Variants in GANAB observed in about 807,000 individuals in gnomAD.
GANAB encodes glucosidase II alpha subunit, also known as neutral alpha-glucosidase AB.
In GANAB, 35 loss-of-function variants were observed where a neutral mutation model predicts 129.9. The ratio of observed to expected loss-of-function variants is 0.27; its 90% CI spans 0.21 to 0.36. The LOEUF is 0.36. Ranked by LOEUF, GANAB falls within the 10% of genes least tolerant of loss-of-function variation. The pLI is 1.00. For missense variants in GANAB, 939 were observed against 1,221.0 expected, an observed-to-expected ratio of 0.77 and a Z score of 3.44; for synonymous variants, 482 against 451.8, an observed-to-expected ratio of 1.07 and a Z score of -0.85.
intron 4 of GANAB, among the ~76,000 whole-genome samples, chr11:62,637,368 T>C (rs1231629143): frequency 6.6e-6 from 1 of 151,380 alleles, no homozygotes; most frequent in South Asian, 2.1e-4. Context: ...CAGATCACGA[T>C]GTCAGGAGAT....
rs747622584 is a variant in GANAB at position 62,627,067 on chromosome 11, T to C, written c.2303A>G (p.Tyr768Cys). The change falls in exon 19 of 24, where the codon TAT becomes TGT. Residue 768 changes from tyrosine (Y) to cysteine (C), a missense_variant. Physicochemically the swap from Tyr to Cys is radical, Grantham distance 194. Around this residue, in one of 5 missense-constraint regions of GANAB, gnomAD observed 230 missense variants for 259.9 expected, o/e 0.89. Coordinates refer to ENST00000356638, the MANE Select transcript of GANAB (RefSeq NM_198334.3). ...SDSGAHGVQV[Y>C]LPGQGEVWYD... The stretch of plus-strand genomic sequence containing the variant: ...ACTCACCTCCCCTTGGCCAGGCAGA[T>C]AGACCTGGACACCATGGGCTCCAGA... 58 of 1,613,808 alleles carry C rather than the reference T, an allele frequency of 3.6e-5. No homozygotes were observed. The highest frequency in any genetic ancestry group is 4.7e-5 in the Non-Finnish European group (55 of 1,179,800).
intron 3 of GANAB, 62 bp from the exon 4 acceptor site, chr11:62,639,172 G>T: frequency 6.3e-7 from 1 of 1,579,902 alleles, no homozygotes; most frequent in Non-Finnish European, 8.7e-7. Flanking sequence ...AATGCTCTTT[G>T]AACCCATTCT....
rs1462248490 is a variant in GANAB, at chr11:62,633,235, G to C, written c.667C>G (p.Pro223Ala). ...ETQGKAEKDE[P>A]GAWEETFKTH... ...TTGAATGTCTCCTCCCAGGCTCCTG[G>C]CTCATCTTTCTCTGCCTTCCCCTGA... is the stretch of plus-strand genomic sequence containing the variant. The change falls in exon 7 of 24, where the codon CCA (proline) becomes GCA (alanine). Residue 223 changes from proline (P) to alanine (A), a missense_variant. Pro to Ala is a conservative substitution (Grantham distance 27). Around this residue, in one of 5 missense-constraint regions of GANAB, gnomAD observed 321 missense variants for 329.1 expected, o/e 0.98. Transcript: ENST00000356638. The C allele has an allele frequency of 1.2e-6, 2 of 1,614,036 alleles. No individual in the cohort carries two copies. Among genetic ancestry groups the C allele is most frequent in the Non-Finnish European group, 1.7e-6 (2 of 1,179,958 alleles).
intron 2 of GANAB, 55 bp downstream of exon 2, chr11:62,639,572 T>C: frequency 6.9e-7 from 1 of 1,459,562 alleles, no homozygotes; most frequent in Non-Finnish European, 9.6e-7. Context: ...CACAGATATC[T>C]CCCACATTAC....
Position 62,629,565 on chromosome 11 carries a change from C to G in GANAB, c.1834+23G>C, listed in dbSNP as rs756177121. On this transcript the variant is annotated intron_variant, in intron 15 of 23. Transcript: ENST00000356638. ...ATCTGGCCTTCACACCCTTCTGCCACAGCTCCATTCTCTAAACCTTACCAA... is the reference window on the plus strand; with the variant it reads ...ATCTGGCCTTCACACCCTTCTGCCAGAGCTCCATTCTCTAAACCTTACCAA... 4.0e-6 allele frequency: 6 copies of G among 1,514,458 alleles called. No homozygotes were observed. In the Admixed American group the frequency reaches 9.5e-5, roughly 24 times the overall value. The allele number at this position is 1,514,458 out of a possible 1,614,324, so 93.8% of individuals were successfully genotyped here.
intron 17 of GANAB, among the ~76,000 whole-genome samples, chr11:62,628,176 C>T (rs1432765117): frequency 6.7e-6 from 1 of 150,046 alleles, no homozygotes; most frequent in Non-Finnish European, 1.5e-5. Flanking sequence ...CTCATTCAGG[C>T]CTCATCTCAC....
intron 4 of GANAB, among the ~76,000 whole-genome samples, chr11:62,637,064 G>A (rs73502120): frequency 0.01 from 1,562 of 151,982 alleles, 25 homozygotes; most frequent in African/African-American, 0.036. Flanking sequence ...TTTATCAAAA[G>A]TACCTTTAGG....
At chr11:62,631,979 T>C (rs1943708636) in intron 9 of GANAB, among the ~76,000 whole-genome samples, 1 of 149,220 alleles carries the variant, frequency 6.7e-6, no homozygotes, top group Non-Finnish European at 1.5e-5. Context: ...GAACCTTTCT[T>C]TTTTTTTTTT....
intron 9 of GANAB, among the ~76,000 whole-genome samples, chr11:62,632,090 T>C (rs1295475931): frequency 6.6e-6 from 1 of 151,856 alleles, no homozygotes; most frequent in Non-Finnish European, 1.5e-5. Flanking sequence ...TAACCTGCCT[T>C]AGCCTCCCGA....
In GANAB at chr11:62,631,045, A is replaced by G. The variant is rs372552815; in HGVS notation, c.1135T>C (p.Tyr379His). 6.2e-7 allele frequency: 1 copy of G among 1,603,482 alleles called. No homozygotes were observed. The highest frequency in any genetic ancestry group is 1.3e-5 in the African/African-American group (1 of 74,886). Reference sequence around the variant, plus strand: ...AACCATGTACCTGTGAGACTAGCATATTGCCGGAAAACATCAGAGATGGAG... The same window carrying G: ...AACCATGTACCTGTGAGACTAGCATGTTGCCGGAAAACATCAGAGATGGAG... ...GPSISDVFRQ[Y>H]ASLTGTQALP... The change falls in exon 10 of 24, where the codon TAT becomes CAT. Residue 379 changes from tyrosine to histidine, a missense_variant. Transcript: ENST00000356638.
intron 4 of GANAB, among the ~76,000 whole-genome samples, chr11:62,637,305 C>T (rs1943988130): frequency 1.3e-5 from 2 of 152,118 alleles, no homozygotes; most frequent in South Asian, 2.1e-4. Context: ...GAAGGCTGGC[C>T]GGGTGTGGTG....
chr11:62,628,566 A>G (rs1278020368), intron 17 of GANAB, among the ~76,000 whole-genome samples: 1 of 152,040 alleles, frequency 6.6e-6, no homozygotes, highest in Admixed American at 6.6e-5. Context: ...TATTTTTCTG[A>G]AAGAGCTTAT....
At position 62,625,415 on chromosome 11, in the gene GANAB, T is replaced by G; in HGVS notation, c.*400A>C. 1 of 400,408 alleles carries G rather than the reference T, an allele frequency of 2.5e-6. No homozygotes were observed. The allele number at this position is 400,408 out of a possible 1,614,324, so 24.8% of individuals were successfully genotyped here. On this transcript the variant is annotated 3_prime_UTR_variant, in exon 24 of 24. Coordinates refer to ENST00000356638, the MANE Select transcript of GANAB (RefSeq NM_198334.3). ...AAGGGGAAAAGGAGCCCTAACTCAT[T>G]GCCCTCATCTTCTTCCAAGAAGTGG...
At position 62,625,249 on chromosome 11, in the gene GANAB, A is replaced by G. The variant is rs1360232662; in HGVS notation, c.*566T>C. The G allele has an allele frequency of 4.4e-6, 2 of 455,524 alleles. No homozygotes were observed. Among genetic ancestry groups the G allele is most frequent in the Non-Finnish European group, 8.8e-6 (2 of 226,802 alleles). 28.2% of individuals were successfully genotyped at this position (455,524 alleles called of 1,614,324 possible). A position where few individuals can be genotyped will look rare whatever the true frequency, so the allele number is the denominator to read the frequency against. On this transcript the variant is annotated 3_prime_UTR_variant, in exon 24 of 24. Transcript: ENST00000356638. ...AAAGGGTAGAATGAGAGGGAAAAGG[A>G]TGTTCTTTAGCAACCTCACTCCTTT...
intron 2 of GANAB, 44 bp downstream of exon 2, chr11:62,639,583 C>T: frequency 2.0e-6 from 3 of 1,485,526 alleles, no homozygotes; most frequent in Non-Finnish European, 2.8e-6. Flanking sequence ...CCCACATTAC[C>T]CTACAACCCT....
intron 18 of GANAB, 34 bp downstream of exon 18, chr11:62,627,255 A>T (rs373852510): frequency 1.4e-6 from 2 of 1,476,004 alleles, no homozygotes; most frequent in Non-Finnish European, 1.9e-6. Context: ...CTTGGCCCAA[A>T]GCCAACCCAC....
intron 19 of GANAB, 34 bp from the exon 20 acceptor site, chr11:62,626,968 A>G: frequency 6.3e-7 from 1 of 1,583,384 alleles, no homozygotes; most frequent in Middle Eastern, 1.7e-4. Flanking sequence ...ATACCGGATC[A>G]CTCAGTGCAC....
In GANAB at chr11:62,627,008, C is replaced by A. The variant is rs373029944; in HGVS notation, c.2322+40G>T. 1.9e-6 allele frequency: 3 copies of A among 1,593,356 alleles called. No individual in the cohort carries two copies. The South Asian group carries it at 3.3e-5, about 18-fold the overall frequency. ...GTCCCGTCCTGTTTGCCTCCTTTGG[C>A]TTCCACCATCTTTCCCCACCATGCC... On this transcript the variant is annotated intron_variant, in intron 19 of 23. Transcript: ENST00000356638.
intron 10 of GANAB, 54 bp downstream of exon 10, chr11:62,630,976 T>G: frequency 6.4e-7 from 1 of 1,562,288 alleles, no homozygotes; most frequent in Non-Finnish European, 8.8e-7. Flanking sequence ...TGAAAACACA[T>G]AGAATCACCC....
Sources: allele counts gnomAD v4.1 joint callset (sites outside exome capture counted in the v4.1 genomes callset), GRCh38; gene constraint gnomAD v4.1.1; regional missense constraint gnomAD v4.1.1; transcripts MANE v1.5; gene names NCBI Gene and HGNC (gene_info 2026-07-23, HGNC 2026-07-21).